RTN4RL1: variants seen among roughly 807,000 people sequenced by gnomAD.
RTN4RL1 encodes the protein reticulon-4 receptor-like 1.
RTN4RL1 carries 7 observed loss-of-function variants against 25.6 expected under a neutral mutation model. That is an observed-to-expected ratio of 0.27 (90% CI 0.16 to 0.51). The LOEUF is 0.51. RTN4RL1 is among the 20% of genes least tolerant of loss of function. The pLI is 0.97. For missense variants in RTN4RL1, 500 were observed against 615.6 expected (o/e 0.81, Z 1.99); for synonymous variants, 297 against 288.2 (o/e 1.03, Z -0.31).
At position 1,998,991 on chromosome 17, in the gene RTN4RL1, A is replaced by G. The variant is rs2066943238; in HGVS notation, c.13+25862T>C. 1.3e-5 allele frequency among the ~76,000 whole-genome samples: 2 copies of G among 152,048 alleles called. No homozygotes were observed. The highest frequency in any genetic ancestry group is 2.1e-4 in the South Asian group (1 of 4,824). On this transcript the variant is annotated intron_variant, in intron 1 of 1. Transcript: ENST00000331238. This position sits in a 1 kb window ranked among gnomAD's most constrained non-coding sequence, Gnocchi z 4.9. ...TGCTCCCCCTTCCCTGCACGATGCC[A>G]TCCTCTCACACACAGGGCGGGGACC... is the stretch of plus-strand genomic sequence containing the variant.
At chr17:2,000,094 G>C (rs981321125) in intron 1 of RTN4RL1, among the ~76,000 whole-genome samples, 1 of 152,268 alleles carries the variant, frequency 6.6e-6, no homozygotes, top group African/African-American at 2.4e-5. Flanking sequence ...GGCCAGGGCT[G>C]CTGCCTCAGC....
At chr17:1,987,011 C>A (rs975991107) in intron 1 of RTN4RL1, among the ~76,000 whole-genome samples, 1 of 152,114 alleles carries the variant, frequency 6.6e-6, no homozygotes, top group Non-Finnish European at 1.5e-5. Context: ...TCGGGGCTGC[C>A]GCTGCGACAA....
intron 1 of RTN4RL1, among the ~76,000 whole-genome samples, chr17:2,002,443 C>T (rs1470452301): frequency 2.7e-5 from 4 of 149,908 alleles, no homozygotes; most frequent in Non-Finnish European, 3.0e-5. Context: ...CAGGCGCCCG[C>T]CACCTCGCCT....
At chr17:2,015,918 C>A (rs2151328630) in intron 1 of RTN4RL1, among the ~76,000 whole-genome samples, 2 of 152,224 alleles carry the variant, frequency 1.3e-5, no homozygotes, top group South Asian at 4.1e-4. Flanking sequence ...CTTCCTATAT[C>A]CTGCTAGGAG....
rs1042055508 is a variant in RTN4RL1 at position 1,937,056 on chromosome 17, G to C, written c.766C>G (p.Pro256Ala). 22 of 1,605,464 alleles carry C rather than the reference G, an allele frequency of 1.4e-5. No individual in the cohort carries two copies. Among genetic ancestry groups the C allele is most frequent in the Non-Finnish European group, 1.9e-5 (22 of 1,177,710 alleles). Residue 256 changes from proline (P) to alanine (A), a missense_variant, in exon 2 of 2, where the codon CCC becomes GCC. Pro to Ala is a conservative substitution (Grantham distance 27). Transcript: ENST00000331238. ...CGCGCGCGACAACCACAGTCCCAGG[G>C]GTTGCCGTTGAGGCGGAGGAACTCC... ...ALEFLRLNGN[P>A]WDCGCRARSL...
chr17:1,979,030 T>TG (rs1297889759), intron 1 of RTN4RL1, among the ~76,000 whole-genome samples: 10 of 152,262 alleles, frequency 6.6e-5, no homozygotes, highest in Admixed American at 6.5e-4. Flanking sequence ...CCCAGCACTT[T>TG]GGGACGCCTA....
intron 1 of RTN4RL1, among the ~76,000 whole-genome samples, chr17:1,946,194 A>T (rs1004029855): frequency 1.3e-5 from 2 of 152,240 alleles, no homozygotes; most frequent in African/African-American, 4.8e-5. Context: ...AAACCAGGAC[A>T]GTCCCAAACA....
intron 1 of RTN4RL1, chr17:2,020,008 G>A (rs1238172492): frequency 6.6e-6 from 1 of 152,128 alleles, no homozygotes; most frequent in Admixed American, 6.6e-5. Context: ...TCTCTGTCAG[G>A]GCGCTCCCCT....
Position 1,937,366 on chromosome 17 carries a change from C to T in RTN4RL1, c.456G>A (p.Gln152=), listed in dbSNP as rs754669234. 1.2e-6 allele frequency: 2 copies of T among 1,613,736 alleles called. No homozygotes were observed. Among genetic ancestry groups the T allele is most frequent in the Non-Finnish European group, 8.5e-7 (1 of 1,179,886 alleles). The stretch of plus-strand genomic sequence containing the variant: ...TGTGGTTGTCCTGCAGGTAGAGGTA[C>T]TGCAGGCTGTGCAGGCCGCCAAAGA... ...AGVFGGLHSL[Q]YLYLQDNHIE... Residue 152 remains glutamine (Q), a synonymous_variant, in exon 2 of 2, where the codon CAG becomes CAA. Coordinates refer to ENST00000331238, the MANE Select transcript of RTN4RL1 (RefSeq NM_178568.4).
intron 1 of RTN4RL1, among the ~76,000 whole-genome samples, chr17:1,956,143 CA>C (rs1915787826): frequency 6.6e-6 from 1 of 152,104 alleles, no homozygotes; most frequent in Non-Finnish European, 1.5e-5. Flanking sequence ...CAGCAGCTCT[CA>C]GGGGGTCTCT....
intron 1 of RTN4RL1, among the ~76,000 whole-genome samples, chr17:1,993,842 C>T (rs183107377): frequency 1.1e-4 from 16 of 152,290 alleles, no homozygotes; most frequent in Non-Finnish European, 8.8e-5. Flanking sequence ...TGCTCAGCCC[C>T]TGTATTCACA....
At chr17:1,953,870 A>AT (rs921479864) in intron 1 of RTN4RL1, among the ~76,000 whole-genome samples, 1 of 152,054 alleles carries the variant, frequency 6.6e-6, no homozygotes, top group Non-Finnish European at 1.5e-5. Context: ...TGGCCATTAA[A>AT]TTTTTTTTAA....
chr17:1,964,600 C>G (rs567436538), intron 1 of RTN4RL1, among the ~76,000 whole-genome samples: 2 of 151,222 alleles, frequency 1.3e-5, no homozygotes, highest in African/African-American at 2.4e-5. Flanking sequence ...GGCGTGGTGG[C>G]GGGCGCCTGT....
chr17:1,983,179 G>A (rs1028278780), intron 1 of RTN4RL1, among the ~76,000 whole-genome samples: 4 of 151,962 alleles, frequency 2.6e-5, no homozygotes, highest in Non-Finnish European at 5.9e-5. Context: ...GATTACAGCT[G>A]GGATTACAGG....
At chr17:1,950,961 G>A (rs1418493982) in intron 1 of RTN4RL1, among the ~76,000 whole-genome samples, 1 of 150,230 alleles carries the variant, frequency 6.7e-6, no homozygotes, top group South Asian at 2.1e-4. Flanking sequence ...GAAAGTAAAG[G>A]AACTAAAGAA....
At position 1,936,175 on chromosome 17, in the gene RTN4RL1, C is replaced by T. The variant is rs1684302567; in HGVS notation, c.*321G>A. On this transcript the variant is annotated 3_prime_UTR_variant, in exon 2 of 2. Coordinates refer to ENST00000331238, the MANE Select transcript of RTN4RL1 (RefSeq NM_178568.4). ...TTCCACAGAGCCCCGGTGCCGCCGTCGGGGGCAATTGTCCCACTGTTGCCA... is the reference window on the plus strand; with the variant it reads ...TTCCACAGAGCCCCGGTGCCGCCGTTGGGGGCAATTGTCCCACTGTTGCCA... 6.0e-6 allele frequency: 7 copies of T among 1,160,950 alleles called. No individual in the cohort carries two copies. Among genetic ancestry groups the T allele is most frequent in the South Asian group, 6.5e-5 (2 of 30,940 alleles). 71.9% of individuals were successfully genotyped at this position (1,160,950 alleles called of 1,614,324 possible). A position where few individuals can be genotyped will look rare whatever the true frequency, so the allele number is the denominator to read the frequency against.
Position 2,010,195 on chromosome 17 carries a change from G to A in RTN4RL1, c.13+14658C>T, listed in dbSNP as rs936226880. On this transcript the variant is annotated intron_variant, in intron 1 of 1. Coordinates refer to ENST00000331238, the MANE Select transcript of RTN4RL1 (RefSeq NM_178568.4). The stretch of plus-strand genomic sequence containing the variant: ...TGTTTAGCCAGGCGCGGTAGCTCAC[G>A]CCTATAATCCCAGCACTTTGGGAGG... 1.5e-4 allele frequency among the ~76,000 whole-genome samples: 19 copies of A among 127,824 alleles called. 4 individuals carry two copies. The highest frequency in any genetic ancestry group is 3.1e-4 in the Non-Finnish European group (19 of 60,820). 83.9% of individuals were successfully genotyped at this position (127,824 alleles called of 152,430 possible). A position where few individuals can be genotyped will look rare whatever the true frequency, so the allele number is the denominator to read the frequency against.
At chr17:2,021,689 G>A (rs2067205827) in intron 1 of RTN4RL1, among the ~76,000 whole-genome samples, 1 of 151,184 alleles carries the variant, frequency 6.6e-6, no homozygotes, top group African/African-American at 2.4e-5. Flanking sequence ...CAAGGAGCTG[G>A]GATTACAGGC....
intron 1 of RTN4RL1, among the ~76,000 whole-genome samples, chr17:1,996,826 C>G (rs866161582): frequency 1.3e-5 from 2 of 152,210 alleles, no homozygotes; most frequent in African/African-American, 4.8e-5. Flanking sequence ...GTCTGGGTCT[C>G]GGAGACAGGA....
Sources: allele counts gnomAD v4.1 joint callset (sites outside exome capture counted in the v4.1 genomes callset), GRCh38; gene constraint gnomAD v4.1.1; non-coding constraint Gnocchi (gnomAD v3.1); transcripts MANE v1.5; gene names NCBI Gene and HGNC (gene_info 2026-07-23, HGNC 2026-07-21).